Variants in CCAR1 observed in about 807,000 individuals in gnomAD.
CCAR1 encodes the protein cell division cycle and apoptosis regulator 1.
A neutral mutation model predicts 163.8 loss-of-function variants in CCAR1; 78 were observed. That is an observed-to-expected ratio of 0.48 (90% CI 0.40 to 0.57). The LOEUF (loss-of-function observed/expected upper bound fraction) is 0.57, where lower values mean the gene tolerates loss of function less well. CCAR1 is among the 20% of genes least tolerant of loss of function. The probability of loss-of-function intolerance (pLI) is 0.00; values close to 1 mark genes in which losing one functional copy is unlikely to be tolerated. For missense variants in CCAR1, 1,019 were observed against 1,365.2 expected (o/e 0.75, Z 4.00); for synonymous variants, 443 against 460.7 (o/e 0.96, Z 0.49).
At chr10:68,790,681 A>T (rs1651441940) in intron 24 of CCAR1, among the ~76,000 whole-genome samples, 1 of 152,042 alleles carries the variant, frequency 6.6e-6, no homozygotes, top group South Asian at 2.1e-4. Context: ...GGTGTGCTCC[A>T]GCACACCCAG....
rs768946268 is a variant in CCAR1 at position 68,788,125 on chromosome 10, G to A, written c.3002-18G>A. On this transcript the variant is annotated intron_variant, in intron 22 of 24. Transcript: ENST00000265872. ...AAGAAAAATAACTTACTAAAATATG[G>A]TATATTTTATATTATAGGAAACAGA... The A allele has an allele frequency of 6.6e-7, 1 of 1,524,930 alleles. No individual in the cohort carries two copies. The highest frequency in any genetic ancestry group is 2.2e-5 in the Admixed American group (1 of 46,026). The allele number at this position is 1,524,930 out of a possible 1,614,324, so 94.5% of individuals were successfully genotyped here.
At chr10:68,727,833 A>G (rs56214977) in intron 2 of CCAR1, among the ~76,000 whole-genome samples, 2,653 of 152,186 alleles carry the variant, frequency 0.017, 83 homozygotes, top group African/African-American at 0.06. Flanking sequence ...TTTTTTGAAC[A>G]TGGAGTCTCG....
intron 19 of CCAR1, among the ~76,000 whole-genome samples, chr10:68,776,619 T>C (rs888544361): frequency 1.3e-5 from 2 of 152,124 alleles, no homozygotes; most frequent in African/African-American, 4.8e-5. Context: ...AGTGGTATGG[T>C]CATAGCTCAC....
chr10:68,728,691 C>G (rs1258128172), intron 2 of CCAR1, among the ~76,000 whole-genome samples: 1 of 152,202 alleles, frequency 6.6e-6, no homozygotes, highest in Non-Finnish European at 1.5e-5. Flanking sequence ...GCGAGTGGCT[C>G]TCGCCTGTAA....
At chr10:68,726,751 A>G (rs1015125564) in intron 2 of CCAR1, among the ~76,000 whole-genome samples, 3 of 151,906 alleles carry the variant, frequency 2.0e-5, no homozygotes, top group Non-Finnish European at 2.9e-5. Flanking sequence ...TAATCCCAGC[A>G]CTTTGGGAGG....
intron 1 of CCAR1, 31 bp from the exon 2 acceptor site, chr10:68,722,424 G>T (rs1280597412): frequency 7.3e-6 from 8 of 1,092,390 alleles, no homozygotes; most frequent in East Asian, 2.4e-5. Flanking sequence ...AGCTTGGTTG[G>T]ACTTTAAAAT....
chr10:68,781,923 G>A (rs184211072), intron 19 of CCAR1, among the ~76,000 whole-genome samples: 8 of 152,214 alleles, frequency 5.3e-5, no homozygotes, highest in Admixed American at 2.0e-4. Flanking sequence ...CCTAAAAATC[G>A]TTAAAGTGAG....
intron 2 of CCAR1, among the ~76,000 whole-genome samples, chr10:68,732,799 G>A (rs1380773768): frequency 1.3e-5 from 2 of 152,108 alleles, no homozygotes; most frequent in Non-Finnish European, 2.9e-5. Context: ...GGTGGCATGC[G>A]ACTGTAGTCC....
In CCAR1 at chr10:68,786,855, C is replaced by T. The variant is rs149330628; in HGVS notation, c.2880+163C>T. On this transcript the variant is annotated intron_variant, in intron 21 of 24. Transcript: ENST00000265872. The stretch of plus-strand genomic sequence containing the variant: ...ATCCCAGCAGGTTGGGAGGCTGAGG[C>T]GGGCAGATCAGTTGAGGCCAGGAGT... The T allele has an allele frequency of 2.2e-3, 1,188 of 536,104 alleles. 24 individuals carry two copies. The East Asian group carries it at 0.042, about 19-fold the overall frequency. The allele number at this position is 536,104 out of a possible 1,614,324, so 33.2% of individuals were successfully genotyped here.
intron 4 of CCAR1, 95 bp downstream of exon 4, chr10:68,737,984 T>C (rs1464138311): frequency 6.1e-6 from 5 of 813,422 alleles, no homozygotes; most frequent in Non-Finnish European, 7.9e-6. Flanking sequence ...TCAGCTACCT[T>C]AACATGTGAT....
chr10:68,768,503 C>T (rs562733410), intron 17 of CCAR1, among the ~76,000 whole-genome samples: 38 of 152,148 alleles, frequency 2.5e-4, no homozygotes, highest in African/African-American at 8.9e-4. Flanking sequence ...CCCAGCTACT[C>T]AGGACGCTGA....
At chr10:68,721,597 GC>G (rs974038042) in intron 1 of CCAR1, 5 of 448,150 alleles carry the variant, frequency 1.1e-5, no homozygotes, top group East Asian at 7.5e-5. Flanking sequence ...TACCCTCCTG[GC>G]CCCCCGGCCC....
intron 2 of CCAR1, among the ~76,000 whole-genome samples, chr10:68,731,420 A>T (rs2056035793): frequency 1.3e-5 from 2 of 152,180 alleles, no homozygotes; most frequent in Non-Finnish European, 2.9e-5. Context: ...TGATTTAGAA[A>T]AGAACTGTTA....
At chr10:68,765,573 T>G (rs780433590) in intron 16 of CCAR1, among the ~76,000 whole-genome samples, 18 of 152,180 alleles carry the variant, frequency 1.2e-4, no homozygotes, top group Non-Finnish European at 2.4e-4. Flanking sequence ...CTAAAACCTA[T>G]GCTACCACTA....
intron 18 of CCAR1, among the ~76,000 whole-genome samples, chr10:68,772,100 A>T (rs2056611209): frequency 6.6e-6 from 1 of 151,824 alleles, no homozygotes; most frequent in Non-Finnish European, 1.5e-5. Context: ...GCCAGGCTTG[A>T]ACTCCTGACC....
chr10:68,726,113 T>TAA (rs747643778), intron 2 of CCAR1, among the ~76,000 whole-genome samples: 3 of 93,638 alleles, frequency 3.2e-5, no homozygotes, highest in Non-Finnish European at 4.3e-5. Flanking sequence ...GACCCTGTCC[T>TAA]AAAAAAAAAA....
At chr10:68,759,533 G>T (rs2056441912) in intron 15 of CCAR1, 1 of 152,058 alleles carries the variant, frequency 6.6e-6, no homozygotes, top group Non-Finnish European at 1.5e-5. Flanking sequence ...TTCAAGATCA[G>T]CCCTGGCAAC....
chr10:68,759,446 A>T (rs1448961466), intron 15 of CCAR1: 1 of 153,942 alleles, frequency 6.5e-6, no homozygotes, highest in Non-Finnish European at 1.5e-5. Flanking sequence ...GTAAGGTTGC[A>T]GCTGGGCACA....
At chr10:68,752,916 A>ATAGG (rs2133359160) in intron 10 of CCAR1, among the ~76,000 whole-genome samples, 1 of 152,058 alleles carries the variant, frequency 6.6e-6, no homozygotes, top group Non-Finnish European at 1.5e-5. Flanking sequence ...AGATAGATAG[A>ATAGG]TAGATAGATA....
Sources: allele counts gnomAD v4.1 joint callset (sites outside exome capture counted in the v4.1 genomes callset), GRCh38; gene constraint gnomAD v4.1.1; transcripts MANE v1.5; gene names NCBI Gene and HGNC (gene_info 2026-07-23, HGNC 2026-07-21).